Variants in SERPINI2 observed in about 807,000 individuals in gnomAD.
SERPINI2 encodes the protein serpin I2.
Under a neutral mutation model 47.3 loss-of-function variants are expected in SERPINI2, and 48 were observed. The ratio of observed to expected loss-of-function variants is 1.02; its 90% CI spans 0.81 to 1.29. The LOEUF is 1.29. SERPINI2 is among the 50% of genes most tolerant of loss of function. The pLI, the probability that SERPINI2 is intolerant of heterozygous loss-of-function variation, is 0.00. For missense variants in SERPINI2, 448 were observed against 456.9 expected (o/e 0.98, Z 0.18); for synonymous variants, 135 against 149.3 (o/e 0.90, Z 0.70).
chr3:167,449,498 AT>A (rs199869898), intron 6 of SERPINI2, 96 bp from the exon 7 acceptor site: 12,603 of 585,816 alleles, frequency 0.022, 1,186 homozygotes, highest in African/African-American at 0.21. Flanking sequence ...TTATTTATTT[AT>A]TTATTTATTT....
chr3:167,461,906 C>CACTACT (rs10630827), intron 5 of SERPINI2, among the ~76,000 whole-genome samples: 1 of 151,718 alleles, frequency 6.6e-6, no homozygotes, highest in Non-Finnish European at 1.5e-5. Context: ...AGGCATAAGC[C>CACTACT]ACATCTGGCA....
In SERPINI2 at chr3:167,442,085, T is replaced by C. The variant is rs9942100; in HGVS notation, c.*24A>G. 5.9e-3 allele frequency: 9,240 copies of C among 1,556,366 alleles called. 448 individuals carry two copies. The African/African-American group carries it at 0.11, about 18-fold the overall frequency. On this transcript the variant is annotated 3_prime_UTR_variant, in exon 9 of 9. Transcript: ENST00000264677. Reference sequence around the variant, plus strand: ...TCAGCTATTTTTGAGAAATCATCTTTTATTCTGAGGCTGTGCTTTTCATTC... The same window carrying C: ...TCAGCTATTTTTGAGAAATCATCTTCTATTCTGAGGCTGTGCTTTTCATTC...
chr3:167,461,770 C>T (rs1749988259), intron 5 of SERPINI2, among the ~76,000 whole-genome samples: 1 of 152,004 alleles, frequency 6.6e-6, no homozygotes, highest in South Asian at 2.1e-4. Flanking sequence ...ACCACCGTGT[C>T]CAACTAATGT....
intron 5 of SERPINI2, among the ~76,000 whole-genome samples, chr3:167,453,904 T>C (rs903260226): frequency 2.0e-5 from 3 of 152,226 alleles, no homozygotes; most frequent in Admixed American, 6.5e-5. Flanking sequence ...CTAGTACTTA[T>C]TGACTTCATA....
chr3:167,474,513 T>C, upstream of SERPINI2, among the ~76,000 whole-genome samples: 1 of 151,716 alleles, frequency 6.6e-6, no homozygotes, highest in Non-Finnish European at 1.5e-5. Context: ...CATCAAATTA[T>C]ACAATAGTCA....
intron 6 of SERPINI2, 101 bp downstream of exon 6, chr3:167,452,835 T>C: frequency 1.5e-6 from 1 of 650,354 alleles, no homozygotes; most frequent in Non-Finnish European, 2.6e-6. Context: ...GTGCGTATAT[T>C]TATCAGAGCT....
intron 5 of SERPINI2, among the ~76,000 whole-genome samples, chr3:167,457,796 C>T (rs558626691): frequency 1.3e-5 from 2 of 152,310 alleles, no homozygotes; most frequent in South Asian, 2.1e-4. Context: ...GGTACTAGAA[C>T]TTTCCCAATG....
chr3:167,446,478 A>T, exon 8 of SERPINI2: 1 of 1,583,840 alleles, frequency 6.3e-7, no homozygotes, highest in African/African-American at 1.3e-5. Context: ...AGGGATGTGT[A>T]TGCCTATAAA....
intron 3 of SERPINI2, 88 bp from the exon 4 acceptor site, chr3:167,465,761 C>G: frequency 8.7e-7 from 1 of 1,154,116 alleles, no homozygotes. Flanking sequence ...GCAAAAGTGT[C>G]TTTTGCAGAT....
At chr3:167,473,308 T>C (rs1030812763) in intron 1 of SERPINI2, among the ~76,000 whole-genome samples, 4 of 151,738 alleles carry the variant, frequency 2.6e-5, no homozygotes, top group African/African-American at 9.7e-5. Context: ...ATTTAGCATA[T>C]GAGCTTATAA....
chr3:167,454,583 G>T (rs1207825084), intron 5 of SERPINI2, among the ~76,000 whole-genome samples: 1 of 152,096 alleles, frequency 6.6e-6, no homozygotes, highest in South Asian at 2.1e-4. Context: ...CTATAAATGG[G>T]CTATAATAGT....
exon 3 of SERPINI2, chr3:167,467,085 T>G: frequency 2.5e-6 from 4 of 1,611,798 alleles, no homozygotes; most frequent in Non-Finnish European, 3.4e-6. Flanking sequence ...CAGGTACTTA[T>G]CATCTCTGCA....
chr3:167,455,808 G>A (rs1402723423), intron 5 of SERPINI2, among the ~76,000 whole-genome samples: 1 of 152,076 alleles, frequency 6.6e-6, no homozygotes, highest in Non-Finnish European at 1.5e-5. Context: ...GGCTGGAATA[G>A]GAGGAAGAGA....
rs1421994836 is a variant in SERPINI2 at position 167,450,266 on chromosome 3, A to T, written c.965-864T>A. On this transcript the variant is annotated intron_variant, in intron 6 of 8. Coordinates refer to ENST00000264677, the Ensembl canonical transcript of SERPINI2. ...AACCTGTTAAAATTTTCAGCATAAG[A>T]TCGTGCTTTACAACGTTTTGTTCTG... Among the ~76,000 whole-genome samples the T allele has an allele frequency of 2.6e-5, 4 of 152,220 alleles. No homozygotes were observed. In the East Asian group the frequency reaches 7.7e-4, roughly 29 times the overall value.
At chr3:167,473,652 AT>A in intron 1 of SERPINI2, 1 of 536,010 alleles carries the variant, frequency 1.9e-6, no homozygotes, top group Non-Finnish European at 3.1e-6. Context: ...TTATTTGAGC[AT>A]CCACATCCAT....
intron 5 of SERPINI2, among the ~76,000 whole-genome samples, chr3:167,456,933 T>C (rs1198321105): frequency 2.0e-5 from 3 of 152,198 alleles, no homozygotes; most frequent in African/African-American, 7.2e-5. Context: ...CTAAGAGGCA[T>C]GTGTTATCAT....
chr3:167,472,515 G>C (rs1228263192), intron 1 of SERPINI2, among the ~76,000 whole-genome samples: 1 of 151,782 alleles, frequency 6.6e-6, no homozygotes, highest in Non-Finnish European at 1.5e-5. Context: ...CTCACTACCT[G>C]GGTGATGAGA....
chr3:167,468,454 G>A (rs1750209662), intron 2 of SERPINI2, among the ~76,000 whole-genome samples: 1 of 152,058 alleles, frequency 6.6e-6, no homozygotes, highest in Non-Finnish European at 1.5e-5. Context: ...ATCTTGTCCA[G>A]CTGGGTTACA....
intron 2 of SERPINI2, chr3:167,469,481 G>C (rs1029829074): frequency 6.6e-6 from 1 of 152,192 alleles, no homozygotes; most frequent in African/African-American, 2.4e-5. Context: ...GGCCCAGAGA[G>C]ATTAAGAAGC....
Sources: gnomAD v4.1 joint callset for allele counts (sites outside exome capture counted in the v4.1 genomes callset) on GRCh38, gnomAD v4.1.1 for gene constraint, MANE v1.5 for transcripts, NCBI Gene and HGNC (gene_info 2026-07-23, HGNC 2026-07-21) for gene names.